Variants in DENND2D observed in about 807,000 individuals in gnomAD.
DENND2D encodes DENN domain-containing protein 2D.
A neutral mutation model predicts 59.8 loss-of-function variants in DENND2D; 37 were observed. That is an observed-to-expected ratio of 0.62 (90% CI 0.48 to 0.81). The LOEUF (loss-of-function observed/expected upper bound fraction) is 0.81. DENND2D is among the 40% of genes least tolerant of loss of function. The pLI, the probability that DENND2D is intolerant of heterozygous loss-of-function variation, is 0.00. For synonymous variants in DENND2D, 219 were observed against 211.3 expected, an observed-to-expected ratio of 1.04 and a Z score of -0.31; for missense variants, 525 against 579.7, an observed-to-expected ratio of 0.91 and a Z score of 0.97.
intron 10 of DENND2D, 51 bp from the exon 11 acceptor site, chr1:111,188,421 C>A (rs1657425312): frequency 6.3e-7 from 1 of 1,592,544 alleles, no homozygotes; most frequent in Non-Finnish European, 8.6e-7. Flanking sequence ...GATGAAATTA[C>A]CCAAACTCAC....
chr1:111,197,051 A>G, intron 5 of DENND2D, 125 bp downstream of exon 5: 1 of 1,129,642 alleles, frequency 8.9e-7, no homozygotes, highest in Non-Finnish European at 1.3e-6. Flanking sequence ...AGTTTTCCCA[A>G]GTGTGCTTTA....
rs1658609856 is a variant in DENND2D, at chr1:111,199,716, C to T, written c.150G>A (p.Gly50=). The change falls in exon 2 of 12, where the codon GGG becomes GGA. Residue 50 remains glycine (G), a synonymous_variant. Transcript: ENST00000357640. ...CAAGAAGGTATTCAAAGAAGTGCTG[C>T]CCCCCAGCAAAGTTGGGCAAAGAGT... The part of the protein sequence containing the change: ...QEHSLPNFAG[G]QHFFEYLLVV... 1.2e-6 allele frequency: 2 copies of T among 1,613,994 alleles called. No homozygotes were observed. Among genetic ancestry groups the T allele is most frequent in the East Asian group, 2.2e-5 (1 of 44,888 alleles).
intron 1 of DENND2D, 106 bp from the exon 2 acceptor site, chr1:111,199,904 T>C: frequency 7.1e-7 from 1 of 1,398,710 alleles, no homozygotes; most frequent in Non-Finnish European, 9.7e-7. Context: ...GCCTTGCCAA[T>C]GCTGAGATAC....
At chr1:111,198,551 G>T in intron 3 of DENND2D, 79 bp downstream of exon 3, 1 of 1,355,892 alleles carries the variant, frequency 7.4e-7, no homozygotes, top group Non-Finnish European at 1.0e-6. Context: ...CAGCAGTGAG[G>T]GAGGCTACAG....
At chr1:111,196,153 T>A (rs1658208282) in intron 5 of DENND2D, 97 bp from the exon 6 acceptor site, 1 of 1,447,884 alleles carries the variant, frequency 6.9e-7, no homozygotes, top group African/African-American at 1.4e-5. Flanking sequence ...AATGTTCTCA[T>A]ACTGGTTCAG....
upstream of DENND2D, chr1:111,200,747 G>A (rs577803411): frequency 2.1e-4 from 259 of 1,226,516 alleles, 3 homozygotes; most frequent in Middle Eastern, 2.8e-3. Context: ...AGGGTGTGGC[G>A]AGAGAAAAGG....
chr1:111,201,207 T>G (rs777838071), upstream of DENND2D: 1 of 152,592 alleles, frequency 6.6e-6, no homozygotes, highest in African/African-American at 2.4e-5. Context: ...TCTTTCCTGA[T>G]GGTGCAGTAG....
At position 111,188,141 on chromosome 1, in the gene DENND2D, A is replaced by G. The variant is rs772662792; in HGVS notation, c.1329T>C (p.Asn443=). 6.2e-7 allele frequency: 1 copy of G among 1,614,014 alleles called. No individual in the cohort carries two copies. The highest frequency in any genetic ancestry group is 1.1e-5 in the South Asian group (1 of 91,070). Residue 443 remains asparagine, a synonymous_variant, in exon 11 of 12, where the codon AAT becomes AAC. Coordinates refer to ENST00000357640, the MANE Select transcript of DENND2D (RefSeq NM_024901.5). ...GGACTGTTACTGTACCTGCAGGAGG[A>G]TTCTTGCTCTTCTCGGCTTCCTGGA... ...LFIQEAEKSK[N]PPAGYFQQKI... is the part of the protein sequence containing the mutation.
intron 3 of DENND2D, 142 bp from the exon 4 acceptor site, chr1:111,198,131 C>G (rs1217994680): frequency 2.8e-6 from 2 of 715,976 alleles, no homozygotes; most frequent in Non-Finnish European, 4.8e-6. Flanking sequence ...GTGTCAGGCC[C>G]TAAACACATC....
chr1:111,199,960 T>C, intron 1 of DENND2D, 162 bp from the exon 2 acceptor site: 1 of 893,386 alleles, frequency 1.1e-6, no homozygotes, highest in Non-Finnish European at 1.7e-6. Context: ...CAGGGCCAAA[T>C]GGGCAGTTTC....
chr1:111,203,640 T>G (rs1200726798), upstream of DENND2D, among the ~76,000 whole-genome samples: 2 of 152,228 alleles, frequency 1.3e-5, no homozygotes, highest in Non-Finnish European at 2.9e-5. Context: ...GGGAATTATG[T>G]CCATTTCACT....
At chr1:111,188,510 G>T in intron 10 of DENND2D, 140 bp from the exon 11 acceptor site, 1 of 1,323,370 alleles carries the variant, frequency 7.6e-7, no homozygotes, top group Non-Finnish European at 1.0e-6. Flanking sequence ...TGACTGAGAT[G>T]GGAATCTGGG....
rs1657258741 is a variant in DENND2D at position 111,186,507 on chromosome 1, T to C, written c.*1098A>G. Among the ~76,000 whole-genome samples the C allele has an allele frequency of 6.6e-6, 1 of 152,094 alleles. No homozygotes were observed. The highest frequency in any genetic ancestry group is 2.4e-5 in the African/African-American group (1 of 41,406). Reference sequence around the variant, plus strand: ...TTTAGGAACTTCTGAGGGCCACAAATACACACATTAAAAAAGGTAGAATTT... The same window carrying C: ...TTTAGGAACTTCTGAGGGCCACAAACACACACATTAAAAAAGGTAGAATTT... On this transcript the variant is annotated 3_prime_UTR_variant, in exon 12 of 12. Transcript: ENST00000357640.
chr1:111,192,136 A>ACTCTTCT lies in DENND2D; in HGVS notation c.972+3_972+4insAGAAGAG. 1 of 1,590,256 alleles carries ACTCTTCT rather than the reference A, an allele frequency of 6.3e-7. No individual in the cohort carries two copies. Among genetic ancestry groups the ACTCTTCT allele is most frequent in the Non-Finnish European group, 8.6e-7 (1 of 1,165,352 alleles). ...AATCATGCACTCTTCTTGCCACATCATACCTCTTCCATAGGGCTGTCCATG... is the reference window on the plus strand; with the variant it reads ...AATCATGCACTCTTCTTGCCACATCACTCTTCTTACCTCTTCCATAGGGCTGTCCATG... On this transcript the variant is annotated splice_donor_region_variant and intron_variant, in intron 8 of 11. Coordinates refer to ENST00000357640, the MANE Select transcript of DENND2D (RefSeq NM_024901.5).
intron 7 of DENND2D, among the ~76,000 whole-genome samples, chr1:111,192,762 C>T (rs768360029): frequency 1.3e-5 from 2 of 151,812 alleles, no homozygotes; most frequent in Non-Finnish European, 2.9e-5. Flanking sequence ...AGTTAAGAGA[C>T]AAACATGTAA....
intron 8 of DENND2D, among the ~76,000 whole-genome samples, chr1:111,190,174 A>AACAAAACCAAACAAAAC (rs77382405): frequency 6.7e-6 from 1 of 148,754 alleles, no homozygotes; most frequent in Non-Finnish European, 1.5e-5. Context: ...AAAAAAAAAA[A>AACAAAACCAAACAAAAC]AAAAAAAAAC....
At chr1:111,192,360 C>A in intron 7 of DENND2D, 43 bp from the exon 8 acceptor site, 1 of 1,512,898 alleles carries the variant, frequency 6.6e-7, no homozygotes, top group African/African-American at 1.4e-5. Flanking sequence ...GGCCCCTGCA[C>A]CACCATGCTA....
chr1:111,193,364 C>T (rs538351089), intron 7 of DENND2D, among the ~76,000 whole-genome samples: 4 of 152,300 alleles, frequency 2.6e-5, no homozygotes, highest in African/African-American at 9.6e-5. Flanking sequence ...GAGGTGAATC[C>T]TGCCGACCTC....
chr1:111,192,187 C>T lies in DENND2D; in HGVS notation c.925G>A (p.Val309Ile), dbSNP rs1657840946. The T allele has an allele frequency of 3.7e-6, 6 of 1,613,492 alleles. No homozygotes were observed. The African/African-American group carries it at 8.0e-5, about 22-fold the overall frequency. ...VCCPTPFMVG[V>I]QMRFQQEVMD... is the part of the protein sequence containing the mutation. Reference sequence around the variant, plus strand: ...ACCTCCTGCTGGAAGCGCATTTGTACTCCAACCATGAAGGGGGTGGGGCAG... The same window carrying T: ...ACCTCCTGCTGGAAGCGCATTTGTATTCCAACCATGAAGGGGGTGGGGCAG... The change falls in exon 8 of 12, where the codon GTA becomes ATA. Residue 309 changes from valine to isoleucine, a missense_variant. This residue lies in a region of DENND2D where 225 missense variants were observed against 252.4 expected (regional missense o/e 0.89). Coordinates refer to ENST00000357640, the MANE Select transcript of DENND2D (RefSeq NM_024901.5).
Sources: allele counts gnomAD v4.1 joint callset (sites outside exome capture counted in the v4.1 genomes callset), GRCh38; gene constraint gnomAD v4.1.1; regional missense constraint gnomAD v4.1.1; transcripts MANE v1.5; gene names NCBI Gene and HGNC (gene_info 2026-07-23, HGNC 2026-07-21).